The following RBFOX1 variants were observed in gnomAD, a reference collection of about 807,000 sequenced individuals.
RBFOX1 encodes the protein RNA binding fox-1 homolog 1.
A neutral mutation model predicts 57.7 loss-of-function variants in RBFOX1; 8 were observed. The observed-to-expected ratio is 0.14, with a 90% CI of 0.08 to 0.25. The LOEUF is 0.25. Among genes scored for constraint, RBFOX1 ranks in the 10% least tolerant of loss-of-function variants. The pLI, the probability that RBFOX1 is intolerant of heterozygous loss-of-function variation, is 1.00. For synonymous variants in RBFOX1, 326 were observed against 222.4 expected, an observed-to-expected ratio of 1.47 and a Z score of -4.15; for missense variants, 611 against 548.5, an observed-to-expected ratio of 1.11 and a Z score of -1.14.
At chr16:7,207,970 G>T (rs10153066) in intron 4 of RBFOX1, among the ~76,000 whole-genome samples, 61,340 of 151,998 alleles carry the variant, frequency 0.4, 12,849 homozygotes, top group African/African-American at 0.46. Flanking sequence ...TACCTTTATT[G>T]TGAGCCTCCT....
intron 3 of RBFOX1, among the ~76,000 whole-genome samples, chr16:6,910,900 G>A (rs555488823): frequency 1.3e-5 from 2 of 152,152 alleles, no homozygotes; most frequent in East Asian, 3.9e-4. Context: ...GCTAATCTCT[G>A]TTAGTAAAGA....
At chr16:6,731,907 C>G (rs956159905) in intron 3 of RBFOX1, among the ~76,000 whole-genome samples, 6 of 152,138 alleles carry the variant, frequency 3.9e-5, no homozygotes, top group African/African-American at 1.2e-4. Context: ...CCTATGTTTT[C>G]TTGCACAGCC....
chr16:5,320,226 AG>A (rs2064365434), intron 1 of RBFOX1, among the ~76,000 whole-genome samples: 1 of 152,244 alleles, frequency 6.6e-6, no homozygotes, highest in Non-Finnish European at 1.5e-5. Context: ...GTAGTTGAGA[AG>A]GGCTTATGGG....
intron 4 of RBFOX1, among the ~76,000 whole-genome samples, chr16:7,390,909 T>TA (rs1568582233): frequency 6.6e-6 from 1 of 152,082 alleles, no homozygotes; most frequent in South Asian, 2.1e-4. Flanking sequence ...AATTATGGAA[T>TA]AAAAAAAGAT....
intron 2 of RBFOX1, among the ~76,000 whole-genome samples, chr16:6,627,133 A>G (rs962544994): frequency 2.0e-5 from 3 of 152,182 alleles, no homozygotes; most frequent in African/African-American, 7.2e-5. Flanking sequence ...CAAAGCTGAA[A>G]TTAGCATTCT....
chr16:5,939,886 A>T (rs974821552), intron 4 of RBFOX1, among the ~76,000 whole-genome samples: 1 of 152,304 alleles, frequency 6.6e-6, no homozygotes, highest in East Asian at 1.9e-4. Flanking sequence ...GTGGGATGAA[A>T]GTGAGTAGGC....
At chr16:7,319,838 C>T (rs943629982) in intron 4 of RBFOX1, among the ~76,000 whole-genome samples, 3 of 152,094 alleles carry the variant, frequency 2.0e-5, no homozygotes, top group African/African-American at 7.2e-5. Flanking sequence ...CCTCTGAGTT[C>T]TAATATCCTC....
chr16:5,299,182 C>G (rs115883086), intron 1 of RBFOX1, among the ~76,000 whole-genome samples: 2,872 of 152,028 alleles, frequency 0.019, 78 homozygotes, highest in African/African-American at 0.065. Context: ...GAATCATATG[C>G]TATGCACTCC....
At chr16:6,728,326 C>T (rs192575176) in intron 3 of RBFOX1, among the ~76,000 whole-genome samples, 170 of 152,036 alleles carry the variant, frequency 1.1e-3, no homozygotes, top group Middle Eastern at 0.01. Flanking sequence ...AAAAACGTAA[C>T]TTGAGCAAAT....
intron 3 of RBFOX1, among the ~76,000 whole-genome samples, chr16:6,672,972 C>G (rs1477521674): frequency 6.6e-6 from 1 of 152,122 alleles, no homozygotes; most frequent in African/African-American, 2.4e-5. Context: ...GTACCCCAGT[C>G]CCTGAAGTGC....
intron 2 of RBFOX1, among the ~76,000 whole-genome samples, chr16:6,513,632 G>A (rs2096301062): frequency 6.6e-6 from 1 of 152,136 alleles, no homozygotes; most frequent in South Asian, 2.1e-4. Context: ...TATTCGGGAG[G>A]CCGAGGCAGA....
chr16:6,849,076 C>T (rs2093924848), intron 3 of RBFOX1, among the ~76,000 whole-genome samples: 2 of 152,188 alleles, frequency 1.3e-5, no homozygotes, highest in Non-Finnish European at 2.9e-5. Context: ...AAACAGCTGT[C>T]CTCAAGAGTG....
intron 4 of RBFOX1, among the ~76,000 whole-genome samples, chr16:5,953,707 T>C (rs1034357836): frequency 1.5e-4 from 18 of 123,038 alleles, no homozygotes; most frequent in African/African-American, 8.2e-4. Context: ...TTCTGTCTTA[T>C]ATATATATAT....
intron 3 of RBFOX1, among the ~76,000 whole-genome samples, chr16:6,686,130 A>G (rs745678245): frequency 2.0e-5 from 3 of 152,196 alleles, no homozygotes; most frequent in Non-Finnish European, 2.9e-5. Context: ...GGGGACTATC[A>G]TTTCTTCTAC....
At chr16:5,978,010 G>C (rs1243755937) in intron 4 of RBFOX1, among the ~76,000 whole-genome samples, 1 of 151,708 alleles carries the variant, frequency 6.6e-6, no homozygotes, top group African/African-American at 2.4e-5. Context: ...TATGTGAGCA[G>C]CTGTGGATAG....
intron 4 of RBFOX1, among the ~76,000 whole-genome samples, chr16:7,386,126 G>T (rs2097875384): frequency 6.6e-6 from 1 of 151,890 alleles, no homozygotes; most frequent in Non-Finnish European, 1.5e-5. Flanking sequence ...ACAAGGCATG[G>T]TGAGGACTCT....
At chr16:6,416,683 C>T (rs919770013) in intron 2 of RBFOX1, among the ~76,000 whole-genome samples, 4 of 152,118 alleles carry the variant, frequency 2.6e-5, no homozygotes, top group Non-Finnish European at 5.9e-5. Context: ...TATGCCATTT[C>T]CACGCCCATG....
chr16:7,133,262 A>G (rs1257447227), intron 4 of RBFOX1, among the ~76,000 whole-genome samples: 2 of 152,208 alleles, frequency 1.3e-5, no homozygotes, highest in Non-Finnish European at 2.9e-5. Flanking sequence ...TATTTTGAAC[A>G]AGATATTGTT....
At chr16:7,520,612 G>A (rs1191190104) in intron 5 of RBFOX1, among the ~76,000 whole-genome samples, 1 of 152,146 alleles carries the variant, frequency 6.6e-6, no homozygotes, top group Non-Finnish European at 1.5e-5. Context: ...CCACATTCTG[G>A]TTCTTCTGAA....
Sources: gnomAD v4.1 joint callset for allele counts (sites outside exome capture counted in the v4.1 genomes callset) on GRCh38, gnomAD v4.1.1 for gene constraint, MANE v1.5 for transcripts, NCBI Gene and HGNC (gene_info 2026-07-23, HGNC 2026-07-21) for gene names.